Variants in CLIC5 observed in about 807,000 individuals in gnomAD.
CLIC5 encodes CLIC family member 5.
CLIC5 carries 20 observed loss-of-function variants against 24.7 expected under a neutral mutation model. The ratio of observed to expected loss-of-function variants is 0.81; its 90% CI spans 0.57 to 1.18. CLIC5 has a LOEUF of 1.18. Ranked by LOEUF, CLIC5 falls within the 50% of genes most tolerant of loss-of-function variation. The pLI is 0.00. For synonymous variants in CLIC5, 159 were observed against 135.6 expected (o/e 1.17, Z -1.20); for missense variants, 341 against 326.1 (o/e 1.05, Z -0.35).
At chr6:45,940,519 C>T (rs1006141460) in intron 4 of CLIC5, among the ~76,000 whole-genome samples, 5 of 152,222 alleles carry the variant, frequency 3.3e-5, no homozygotes, top group South Asian at 2.1e-4. Flanking sequence ...ATATGCTGGT[C>T]GCCTTGATCC....
At chr6:46,042,934 G>A (rs566224358) in intron 1 of CLIC5, among the ~76,000 whole-genome samples, 7 of 152,266 alleles carry the variant, frequency 4.6e-5, no homozygotes, top group African/African-American at 1.7e-4. Context: ...CCACCAAGTG[G>A]GAGGGCCAAG....
intron 1 of CLIC5, among the ~76,000 whole-genome samples, chr6:45,976,642 G>A (rs910974016): frequency 6.6e-6 from 1 of 152,194 alleles, no homozygotes; most frequent in Non-Finnish European, 1.5e-5. Flanking sequence ...ATTCAAAGCA[G>A]TTAAAAATGT....
intron 1 of CLIC5, among the ~76,000 whole-genome samples, chr6:46,036,001 T>C (rs1767648792): frequency 6.6e-6 from 1 of 152,106 alleles, no homozygotes; most frequent in Non-Finnish European, 1.5e-5. Flanking sequence ...TGCCTCGGCC[T>C]CCCAAAGTGC....
At chr6:45,952,069 C>T (rs1047927768) in intron 2 of CLIC5, among the ~76,000 whole-genome samples, 1 of 152,174 alleles carries the variant, frequency 6.6e-6, no homozygotes, top group Admixed American at 6.5e-5. Context: ...AAGGCAGCAA[C>T]GTGTGTGCTC....
In CLIC5 at chr6:45,922,823, A is replaced by AAGAGAGAG. The variant is rs547902327; in HGVS notation, c.407-8422_407-8415dup. ...GAAGGGAGGAAGAGAGAGAGAGAGA[A>AAGAGAGAG]AGAGAGAGAGATAGAGAGAGAGAGA... On this transcript the variant is annotated intron_variant, in intron 4 of 5. Coordinates refer to ENST00000339561, the MANE Select transcript of CLIC5 (RefSeq NM_016929.5). Among the ~76,000 whole-genome samples the AAGAGAGAG allele has an allele frequency of 9.9e-3, 1,399 of 140,646 alleles. 30 individuals are homozygous for AAGAGAGAG. Among genetic ancestry groups the AAGAGAGAG allele is most frequent in the Middle Eastern group, 0.029 (8 of 274 alleles). 92.3% of individuals were successfully genotyped at this position (140,646 alleles called of 152,430 possible).
the CLIC5 span, among the ~76,000 whole-genome samples, chr6:46,113,999 C>A: frequency 1.3e-5 from 2 of 152,118 alleles, no homozygotes; most frequent in South Asian, 2.1e-4. Flanking sequence ...AGAAAGATTT[C>A]AGCGAAGAAA....
intron 4 of CLIC5, among the ~76,000 whole-genome samples, chr6:45,922,835 T>TAGAGAG (rs36124366): frequency 0.026 from 3,694 of 144,344 alleles, 153 homozygotes; most frequent in African/African-American, 0.089. Flanking sequence ...GAGAGAGAGA[T>TAGAGAG]AGAGAGAGAG....
the CLIC5 span, among the ~76,000 whole-genome samples, chr6:46,123,727 C>A: frequency 7.4e-6 from 1 of 135,170 alleles, no homozygotes; most frequent in Non-Finnish European, 1.7e-5. Flanking sequence ...TAAGCAACTT[C>A]AGCAAAGTCT....
chr6:46,100,075 G>T, the CLIC5 span, among the ~76,000 whole-genome samples: 15 of 151,890 alleles, frequency 9.9e-5, no homozygotes, highest in African/African-American at 3.4e-4. Flanking sequence ...TGCTATTTAG[G>T]TCCCAGTTTT....
chr6:45,963,300 G>C (rs536572952), intron 1 of CLIC5, among the ~76,000 whole-genome samples: 1 of 152,048 alleles, frequency 6.6e-6, no homozygotes, highest in Non-Finnish European at 1.5e-5. Context: ...TGCCTCTTAG[G>C]TGGGAGGAGC....
At chr6:45,973,026 C>T (rs888528686) in intron 1 of CLIC5, among the ~76,000 whole-genome samples, 3 of 152,180 alleles carry the variant, frequency 2.0e-5, no homozygotes, top group Non-Finnish European at 4.4e-5. Context: ...CAATGGCAGC[C>T]AGGTGCTGAA....
chr6:46,101,008 C>T, the CLIC5 span, among the ~76,000 whole-genome samples: 1 of 152,126 alleles, frequency 6.6e-6, no homozygotes, highest in African/African-American at 2.4e-5. Context: ...ACCTCATCCA[C>T]CATGAAATAA....
intron 1 of CLIC5, among the ~76,000 whole-genome samples, chr6:45,974,419 A>G (rs553285652): frequency 6.6e-6 from 1 of 151,066 alleles, no homozygotes; most frequent in Non-Finnish European, 1.5e-5. Flanking sequence ...GGGCAGAATG[A>G]AATAAATGGT....
At chr6:46,085,940 G>A in the CLIC5 span, among the ~76,000 whole-genome samples, 1 of 152,232 alleles carries the variant, frequency 6.6e-6, no homozygotes, top group African/African-American at 2.4e-5. Flanking sequence ...AAGCAAGCCT[G>A]GGCAATGGCG....
Position 45,900,337 on chromosome 6 carries a change from G to C in CLIC5, c.*2751C>G, listed in dbSNP as rs189638424. On this transcript the variant is annotated 3_prime_UTR_variant, in exon 6 of 6. Coordinates refer to ENST00000339561, the MANE Select transcript of CLIC5 (RefSeq NM_016929.5). ...TTCTGAGCGATTTGTATTCATTCAG[G>C]ACCAATGAAAAGGAAGCCTCCTACC... is the stretch of plus-strand genomic sequence containing the variant. 2.2e-4 allele frequency: 34 copies of C among 152,032 alleles called. No homozygotes were observed. The highest frequency in any genetic ancestry group is 8.2e-4 in the African/African-American group (34 of 41,418). The allele number at this position is 152,032 out of a possible 1,614,324, so 9.4% of individuals were successfully genotyped here. A position where few individuals can be genotyped will look rare whatever the true frequency, so the allele number is the denominator to read the frequency against.
intron 1 of CLIC5, among the ~76,000 whole-genome samples, chr6:46,031,299 A>C (rs1441113520): frequency 6.6e-6 from 1 of 152,204 alleles, no homozygotes; most frequent in Non-Finnish European, 1.5e-5. Context: ...CTGTGTGCCA[A>C]CGGGTGCCAT....
intron 1 of CLIC5, among the ~76,000 whole-genome samples, chr6:45,984,910 G>A (rs1405847052): frequency 6.6e-6 from 1 of 152,138 alleles, no homozygotes; most frequent in Non-Finnish European, 1.5e-5. Flanking sequence ...TTAATACCAG[G>A]GAAACAAGGT....
At chr6:45,966,524 C>T (rs1165609097) in intron 1 of CLIC5, among the ~76,000 whole-genome samples, 1 of 152,334 alleles carries the variant, frequency 6.6e-6, no homozygotes, top group South Asian at 2.1e-4. Context: ...GTTAAACAAA[C>T]AAAGAAACAA....
At chr6:45,968,454 G>T (rs1034198290) in intron 1 of CLIC5, among the ~76,000 whole-genome samples, 1 of 152,050 alleles carries the variant, frequency 6.6e-6, no homozygotes, top group African/African-American at 2.4e-5. Context: ...CTTCCTGGGG[G>T]TCCTGAAACC....
Sources: gnomAD v4.1 joint callset for allele counts (sites outside exome capture counted in the v4.1 genomes callset) on GRCh38, gnomAD v4.1.1 for gene constraint, MANE v1.5 for transcripts, NCBI Gene and HGNC (gene_info 2026-07-23, HGNC 2026-07-21) for gene names.